GRHL3: variants seen among roughly 807,000 people sequenced by gnomAD.
GRHL3 encodes the protein grainyhead like transcription factor 3, also known as grainyhead-like protein 3 homolog.
A neutral mutation model predicts 70.3 loss-of-function variants in GRHL3; 20 were observed. That is an observed-to-expected ratio of 0.28 (90% confidence interval 0.20 to 0.41). The LOEUF (loss-of-function observed/expected upper bound fraction) is 0.41. GRHL3 is among the 10% of genes least tolerant of loss of function. The pLI is 1.00. For synonymous variants in GRHL3, 299 were observed against 299.9 expected (o/e 1.00, Z 0.03); for missense variants, 637 against 762.3 (o/e 0.84, Z 1.94).
At chr1:24,361,018 GAGA>G in intron 15 of GRHL3, 2 of 1,611,744 alleles carry the variant, frequency 1.2e-6, no homozygotes, top group Non-Finnish European at 1.7e-6. Flanking sequence ...AGGCTGAGCA[GAGA>G]AGTTCAGGAT....
exon 16 of GRHL3, chr1:24,364,290 A>C: frequency 6.5e-7 from 1 of 1,549,624 alleles, no homozygotes; most frequent in Non-Finnish European, 8.7e-7. Context: ...TTGGAGATGG[A>C]TTTTGGAGGC....
chr1:24,349,308 G>A (rs1279651818), intron 14 of GRHL3, among the ~76,000 whole-genome samples: 5 of 152,230 alleles, frequency 3.3e-5, no homozygotes, highest in Non-Finnish European at 7.3e-5. Context: ...GACGGAGTCA[G>A]TTAACCTGGG....
chr1:24,325,866 AAT>A (rs1639369913), intron 1 of GRHL3, among the ~76,000 whole-genome samples: 1 of 152,120 alleles, frequency 6.6e-6, no homozygotes, highest in Non-Finnish European at 1.5e-5. Flanking sequence ...CTCTCTCCTA[AAT>A]GGAGGAGAAG....
At position 24,336,800 on chromosome 1, in the gene GRHL3, C is replaced by T; in HGVS notation, c.585C>T (p.Asp195=). Residue 195 remains aspartate (D), a synonymous_variant, in exon 4 of 16, where the codon GAC becomes GAT. Transcript: ENST00000361548. ...CGCCCACACAGCGCTGGCAGCCAGACAGCACCTTCAAAGATGACCCACAGG... is the reference window on the plus strand; with the variant it reads ...CGCCCACACAGCGCTGGCAGCCAGATAGCACCTTCAAAGATGACCCACAGG... ...GVPPTQRWQP[D]STFKDDPQES... is the part of the protein sequence containing the mutation. 1 of 1,608,416 alleles carries T rather than the reference C, an allele frequency of 6.2e-7. No individual in the cohort carries two copies. The highest frequency in any genetic ancestry group is 8.5e-7 in the Non-Finnish European group (1 of 1,176,380).
intron 7 of GRHL3, 33 bp downstream of exon 7, chr1:24,338,136 C>T (rs994048844): frequency 1.4e-6 from 2 of 1,379,856 alleles, no homozygotes; most frequent in African/African-American, 2.9e-5. Context: ...ATTCCAGCTC[C>T]CCTCTCTCTC....
rs1399351037 is a variant in GRHL3, at chr1:24,336,806, C to G, written c.591C>G (p.Thr197=). Residue 197 remains threonine, a synonymous_variant, in exon 4 of 16, where the codon ACC becomes ACG. Coordinates refer to ENST00000361548, the MANE Select transcript of GRHL3 (RefSeq NM_198173.3). ...PPTQRWQPDS[T]FKDDPQESML... The stretch of plus-strand genomic sequence containing the variant: ...CACAGCGCTGGCAGCCAGACAGCAC[C>G]TTCAAAGATGACCCACAGGAGGTGA... The G allele has an allele frequency of 6.2e-7, 1 of 1,606,826 alleles. No individual in the cohort carries two copies. Among genetic ancestry groups the G allele is most frequent in the Admixed American group, 1.7e-5 (1 of 59,568 alleles).
At chr1:24,330,936 C>A (rs983836415) in intron 1 of GRHL3, among the ~76,000 whole-genome samples, 6 of 152,260 alleles carry the variant, frequency 3.9e-5, no homozygotes, top group Non-Finnish European at 8.8e-5. Context: ...CGCCCTGGCT[C>A]TCTCTGTCAT....
In GRHL3 at chr1:24,334,499, C is replaced by T. The variant is rs149308151; in HGVS notation, c.205-146C>T. On this transcript the variant is annotated intron_variant, in intron 2 of 15. Transcript: ENST00000361548. This position sits in a 1 kb window ranked among gnomAD's most constrained non-coding sequence, Gnocchi z 4.3. ...CACTCCCATGTGATTATGGGAACTA[C>T]GATTCAAGATGAGATTTGGGTGGGG... The T allele has an allele frequency of 1.3e-3, 830 of 623,768 alleles. 11 individuals carry two copies. In the East Asian group the frequency reaches 0.022, roughly 16 times the overall value. 38.6% of individuals were successfully genotyped at this position (623,768 alleles called of 1,614,324 possible). A position where few individuals can be genotyped will look rare whatever the true frequency, so the allele number is the denominator to read the frequency against.
At chr1:24,337,220 C>T in intron 5 of GRHL3, 69 bp downstream of exon 5, 2 of 1,107,994 alleles carry the variant, frequency 1.8e-6, no homozygotes, top group South Asian at 2.7e-5. Flanking sequence ...GAGCCCCACA[C>T]TGTCCCCAGA....
At position 24,322,890 on chromosome 1, in the gene GRHL3, G is replaced by A; in HGVS notation, c.17+3322G>A. The A allele has an allele frequency of 1.7e-6, 1 of 590,000 alleles. No individual in the cohort carries two copies. The highest frequency in any genetic ancestry group is 3.0e-6 in the Non-Finnish European group (1 of 330,840). 36.5% of individuals were successfully genotyped at this position (590,000 alleles called of 1,614,324 possible). ...CCCAACAAACTAATGCGGGATGGGA[G>A]TGTAAATGCAGTTTTGCCGAAGAGG... On this transcript the variant is annotated intron_variant, in intron 1 of 15. Transcript: ENST00000361548. The surrounding 1 kb of genome is among the most constrained non-coding windows in gnomAD (Gnocchi z 4.4).
rs749818312 is a variant in GRHL3, at chr1:24,354,490, G to T, written c.*2G>T. ...CAGATCATCCTTAAGGAGCTGTAAG[G>T]CCTCTCGAGCATCCAAACCCTCACG... On this transcript the variant is annotated 3_prime_UTR_variant, in exon 16 of 16. Coordinates refer to ENST00000361548, the MANE Select transcript of GRHL3 (RefSeq NM_198173.3). The T allele has an allele frequency of 2.5e-6, 4 of 1,597,108 alleles. No individual in the cohort carries two copies. The highest frequency in any genetic ancestry group is 2.2e-5 in the East Asian group (1 of 44,756).
chr1:24,334,770 C>A lies in GRHL3; in HGVS notation c.266+64C>A. On this transcript the variant is annotated intron_variant, in intron 3 of 15. Transcript: ENST00000361548. The surrounding 1 kb of genome is among the most constrained non-coding windows in gnomAD (Gnocchi z 4.3). The stretch of plus-strand genomic sequence containing the variant: ...CCACCTCCACCTGGAGCCTCTTCCA[C>A]ACAGGTTTGACTTATCCATTAGGCA... 7.3e-7 allele frequency: 1 copy of A among 1,373,918 alleles called. No individual in the cohort carries two copies. 85.1% of individuals were successfully genotyped at this position (1,373,918 alleles called of 1,614,324 possible). A position where few individuals can be genotyped will look rare whatever the true frequency, so the allele number is the denominator to read the frequency against.
chr1:24,349,644 C>T (rs1256913008), intron 14 of GRHL3, among the ~76,000 whole-genome samples: 1 of 152,226 alleles, frequency 6.6e-6, no homozygotes, highest in Non-Finnish European at 1.5e-5. Flanking sequence ...GCACCCTCAG[C>T]ACTAGGACAG....
At chr1:24,347,108 A>G (rs1376057992) in intron 13 of GRHL3, among the ~76,000 whole-genome samples, 1 of 152,198 alleles carries the variant, frequency 6.6e-6, no homozygotes, top group East Asian at 1.9e-4. Context: ...GCAGCCATGA[A>G]TCGAGCTTTG....
In GRHL3 at chr1:24,346,652, G is replaced by C; in HGVS notation, c.1543+11G>C. On this transcript the variant is annotated intron_variant, in intron 13 of 15. Coordinates refer to ENST00000361548, the MANE Select transcript of GRHL3 (RefSeq NM_198173.3). ...GCGACCTTCAGAGAGGTGACCTCCC[G>C]CCCTCCTCATTTACTCACCAGGCCC... The C allele has an allele frequency of 6.2e-7, 1 of 1,601,890 alleles. No individual in the cohort carries two copies. Among genetic ancestry groups the C allele is most frequent in the Non-Finnish European group, 8.5e-7 (1 of 1,170,796 alleles).
chr1:24,321,275 C>T lies in GRHL3; in HGVS notation c.17+1707C>T, dbSNP rs112706377. Among the ~76,000 whole-genome samples the T allele has an allele frequency of 1.3e-5, 2 of 152,342 alleles. No individual in the cohort carries two copies. The highest frequency in any genetic ancestry group is 4.8e-5 in the African/African-American group (2 of 41,584). On this transcript the variant is annotated intron_variant, in intron 1 of 15. Transcript: ENST00000361548. This position sits in a 1 kb window ranked among gnomAD's most constrained non-coding sequence, Gnocchi z 4.0. ...TCAGATCCGCTGACAGTTGAGGCTT[C>T]TCAGTTTGGGGTGGGGTGAGGGAAG...
downstream of GRHL3, chr1:24,358,194 GAA>G (rs780001018): frequency 7.6e-6 from 4 of 529,786 alleles, no homozygotes; most frequent in South Asian, 6.1e-5. Context: ...GATCCTCCTT[GAA>G]GTCTGCGCTT....
chr1:24,357,276 GGA>G (rs1358592483), downstream of GRHL3: 1 of 152,254 alleles, frequency 6.6e-6, no homozygotes, highest in Non-Finnish European at 1.5e-5. Context: ...AAATGACAGA[GGA>G]GTGTGGAACC....
chr1:24,349,835 C>T (rs767345243), intron 14 of GRHL3, among the ~76,000 whole-genome samples: 5 of 152,182 alleles, frequency 3.3e-5, no homozygotes, highest in Admixed American at 6.5e-5. Context: ...CACAACCGTA[C>T]GTACACATGA....
Sources: allele counts gnomAD v4.1 joint callset (sites outside exome capture counted in the v4.1 genomes callset), GRCh38; gene constraint gnomAD v4.1.1; non-coding constraint Gnocchi (gnomAD v3.1); transcripts MANE v1.5; gene names NCBI Gene and HGNC (gene_info 2026-07-23, HGNC 2026-07-21).